PCDHA4: variants seen among roughly 807,000 people sequenced by gnomAD.
PCDHA4 encodes protocadherin alpha 4.
A neutral mutation model predicts 61.4 loss-of-function variants in PCDHA4; 49 were observed. The observed-to-expected ratio is 0.80, with a 90% CI of 0.63 to 1.01. The LOEUF (loss-of-function observed/expected upper bound fraction) is 1.01. Among genes scored for constraint, PCDHA4 ranks in the 50% least tolerant of loss-of-function variants. The pLI is 0.00. For synonymous variants in PCDHA4, 590 were observed against 550.3 expected (o/e 1.07, Z -1.01); for missense variants, 1,254 against 1,235.8 (o/e 1.01, Z -0.22).
In PCDHA4 at chr5:140,871,159, G is replaced by T. The variant is rs781816033; in HGVS notation, c.2385+61587G>T. Reference sequence around the variant, plus strand: ...CTCTTCCCGGACTTTGGCGGGCGCCGCGAGCCCAGAGGCTGCGCTGGTGGA... The same window carrying T: ...CTCTTCCCGGACTTTGGCGGGCGCCTCGAGCCCAGAGGCTGCGCTGGTGGA... On this transcript the variant is annotated intron_variant, in intron 1 of 3. Coordinates refer to ENST00000530339, the MANE Select transcript of PCDHA4 (RefSeq NM_018907.4). The T allele has an allele frequency of 1.6e-5, 26 of 1,613,450 alleles. No individual in the cohort carries two copies. The South Asian group carries it at 2.9e-4, about 18-fold the overall frequency.
chr5:140,807,130 G>A lies in PCDHA4; in HGVS notation c.-58G>A. 6.4e-7 allele frequency: 1 copy of A among 1,557,158 alleles called. No homozygotes were observed. The highest frequency in any genetic ancestry group is 1.2e-5 in the South Asian group (1 of 81,582). On this transcript the variant is annotated 5_prime_UTR_variant, in exon 1 of 4. Coordinates refer to ENST00000530339, the MANE Select transcript of PCDHA4 (RefSeq NM_018907.4). Reference sequence around the variant, plus strand: ...GCTGCACTTGACTGACCGATTAAAAGATTTCCCTTGACTTTGAGAAACGAT... The same window carrying A: ...GCTGCACTTGACTGACCGATTAAAAAATTTCCCTTGACTTTGAGAAACGAT...
At chr5:140,899,359 T>A (rs1247414230) in intron 1 of PCDHA4, among the ~76,000 whole-genome samples, 57 of 152,234 alleles carry the variant, frequency 3.7e-4, no homozygotes, top group Admixed American at 1.4e-3. Flanking sequence ...TTTTGAGATA[T>A]GTCCCATCAA....
At chr5:140,911,037 C>A (rs1432446373) in intron 1 of PCDHA4, among the ~76,000 whole-genome samples, 3 of 152,012 alleles carry the variant, frequency 2.0e-5, no homozygotes, top group Non-Finnish European at 4.4e-5. Context: ...GGTCTAGAAG[C>A]AAACAGGGGT....
intron 1 of PCDHA4, chr5:140,830,305 G>C: frequency 6.2e-7 from 1 of 1,613,948 alleles, no homozygotes; most frequent in Non-Finnish European, 8.5e-7. Context: ...ACAAGCCCAC[G>C]CTGGTGTGCT....
At chr5:140,883,113 G>A in intron 1 of PCDHA4, 2 of 1,614,086 alleles carry the variant, frequency 1.2e-6, no homozygotes, top group Non-Finnish European at 1.7e-6. Context: ...TACTCATTTA[G>A]AAGGCCTGTA....
intron 1 of PCDHA4, among the ~76,000 whole-genome samples, chr5:140,846,701 G>A (rs1554141463): frequency 1.3e-5 from 2 of 149,318 alleles, no homozygotes; most frequent in South Asian, 2.1e-4. Flanking sequence ...AAGTAGAGAA[G>A]ATTGTAATAA....
intron 1 of PCDHA4, chr5:140,843,329 G>T: frequency 6.3e-7 from 1 of 1,596,060 alleles, no homozygotes; most frequent in Non-Finnish European, 8.6e-7. Context: ...GGTGTCGCTG[G>T]TGGAGAGCGG....
At chr5:140,870,794 T>C in intron 1 of PCDHA4, 2 of 1,613,684 alleles carry the variant, frequency 1.2e-6, no homozygotes, top group South Asian at 2.2e-5. Context: ...GCGCCGGCAC[T>C]GCTGGCGACT....
intron 1 of PCDHA4, chr5:140,829,875 G>T (rs2150176769): frequency 1.2e-6 from 2 of 1,613,946 alleles, no homozygotes; most frequent in Non-Finnish European, 1.7e-6. Flanking sequence ...GCGAAGGTGC[G>T]CGCAGTTGAC....
At position 140,841,596 on chromosome 5, in the gene PCDHA4, G is replaced by T. The variant is rs2150318846; in HGVS notation, c.2385+32024G>T. 3.3e-5 allele frequency: 54 copies of T among 1,613,976 alleles called. No homozygotes were observed. Among genetic ancestry groups the T allele is most frequent in the South Asian group, 5.5e-5 (5 of 91,084 alleles). ...TTGTTTGTGAATTCTCGGATCGACC[G>T]CGAGGAGCTGTGCGGGCGGAGCGCG... On this transcript the variant is annotated intron_variant, in intron 1 of 3. Transcript: ENST00000530339.
At chr5:140,829,990 C>T (rs1554132444) in intron 1 of PCDHA4, 7 of 1,613,856 alleles carry the variant, frequency 4.3e-6, no homozygotes, top group Non-Finnish European at 5.9e-6. Flanking sequence ...AGATCAGCAC[C>T]ACTCGTGTCC....
At chr5:140,853,868 T>C (rs2042891681) in intron 1 of PCDHA4, 1 of 983,114 alleles carries the variant, frequency 1.0e-6, no homozygotes, top group South Asian at 4.7e-5. Flanking sequence ...TACTTGACAG[T>C]GCAAGTTTCT....
chr5:140,872,582 G>A (rs535860760), intron 1 of PCDHA4, among the ~76,000 whole-genome samples: 8 of 152,084 alleles, frequency 5.3e-5, no homozygotes, highest in Non-Finnish European at 1.2e-4. Flanking sequence ...ACCTATCATC[G>A]TGAGACCCCC....
chr5:140,881,230 G>A (rs1467821983), intron 1 of PCDHA4: 2 of 301,850 alleles, frequency 6.6e-6, no homozygotes, highest in Non-Finnish European at 9.8e-6. Flanking sequence ...GAAAATTAAA[G>A]TCAATTTAAA....
intron 1 of PCDHA4, chr5:140,966,476 C>T (rs1326063829): frequency 1.8e-5 from 8 of 432,854 alleles, no homozygotes; most frequent in Non-Finnish European, 2.8e-5. Flanking sequence ...CTTCTGTTTC[C>T]TTTTCCCTCC....
chr5:140,988,119 A>T (rs1238767411), intron 3 of PCDHA4, among the ~76,000 whole-genome samples: 1 of 152,174 alleles, frequency 6.6e-6, no homozygotes, highest in Non-Finnish European at 1.5e-5. Context: ...TTTAGAAAGC[A>T]TGCTGTTCCA....
At chr5:140,969,519 G>T in intron 1 of PCDHA4, 2 of 1,406,074 alleles carry the variant, frequency 1.4e-6, no homozygotes, top group Admixed American at 2.8e-5. Context: ...CTAAAGAATT[G>T]TTTTATTTTT....
At chr5:140,841,815 ACTC>A in intron 1 of PCDHA4, 1 of 1,613,826 alleles carries the variant, frequency 6.2e-7, no homozygotes, top group Non-Finnish European at 8.5e-7. Flanking sequence ...GTTGGAGCTA[ACTC>A]CGTGTTAACC....
Position 140,856,421 on chromosome 5 carries a change from A to T in PCDHA4, c.2385+46849A>T, listed in dbSNP as rs1554148675. 3.8e-6 allele frequency: 6 copies of T among 1,598,490 alleles called. No individual in the cohort carries two copies. In the South Asian group the frequency reaches 6.6e-5, roughly 18 times the overall value. On this transcript the variant is annotated intron_variant, in intron 1 of 3. Coordinates refer to ENST00000530339, the MANE Select transcript of PCDHA4 (RefSeq NM_018907.4). ...CCATGTGGACGTGGAAGTGAAGGACATTAACGACAACCCGCCCAGGTTCTC... is the reference window on the plus strand; with the variant it reads ...CCATGTGGACGTGGAAGTGAAGGACTTTAACGACAACCCGCCCAGGTTCTC...
Sources: allele counts gnomAD v4.1 joint callset (sites outside exome capture counted in the v4.1 genomes callset), GRCh38; gene constraint gnomAD v4.1.1; transcripts MANE v1.5; gene names NCBI Gene and HGNC (gene_info 2026-07-23, HGNC 2026-07-21).